Variants in SV2C observed in about 807,000 individuals in gnomAD.
SV2C encodes the protein synaptic vesicle glycoprotein 2C, also known as solute carrier family 22 member B3.
A neutral mutation model predicts 79.7 loss-of-function variants in SV2C; 49 were observed. That is an observed-to-expected ratio of 0.61 (90% CI 0.49 to 0.78). The LOEUF (loss-of-function observed/expected upper bound fraction) is 0.78, where lower values mean the gene tolerates loss of function less well. Ranked by LOEUF, SV2C falls within the 30% of genes least tolerant of loss-of-function variation. SV2C has a pLI of 0.00. For missense variants in SV2C, 833 were observed against 912.9 expected, an observed-to-expected ratio of 0.91 and a Z score of 1.13; for synonymous variants, 334 against 333.2, an observed-to-expected ratio of 1.00 and a Z score of -0.03.
intron 2 of SV2C, among the ~76,000 whole-genome samples, chr5:76,188,271 A>G (rs1437298305): frequency 6.6e-6 from 1 of 152,174 alleles, no homozygotes; most frequent in Non-Finnish European, 1.5e-5. Context: ...AAAAATAATA[A>G]TAATAATTGT....
At chr5:75,920,648 G>C in the SV2C span, 1 of 635,524 alleles carries the variant, frequency 1.6e-6, no homozygotes. Flanking sequence ...GGTGGGGGGT[G>C]GGTGGGAGGA....
chr5:76,315,433 G>A (rs1350495128), intron 12 of SV2C, among the ~76,000 whole-genome samples: 1 of 152,126 alleles, frequency 6.6e-6, no homozygotes, highest in East Asian at 1.9e-4. Context: ...GAAGATCTCA[G>A]GAAATCTGTT....
At chr5:76,174,959 A>G (rs528604330) in intron 2 of SV2C, among the ~76,000 whole-genome samples, 4 of 152,216 alleles carry the variant, frequency 2.6e-5, no homozygotes, top group Admixed American at 2.6e-4. Flanking sequence ...CAAGAATCTC[A>G]TGTGTTCTGC....
intron 3 of SV2C, among the ~76,000 whole-genome samples, chr5:76,199,575 G>T (rs1744373503): frequency 6.6e-6 from 1 of 152,194 alleles, no homozygotes; most frequent in Non-Finnish European, 1.5e-5. Context: ...TCCTCCACCA[G>T]CATGTAAATT....
chr5:76,134,661 G>T (rs1749009636), intron 2 of SV2C, among the ~76,000 whole-genome samples: 1 of 152,122 alleles, frequency 6.6e-6, no homozygotes, highest in Admixed American at 6.6e-5. Context: ...CTAAAAGATT[G>T]ACTTAAAGGT....
the SV2C span, among the ~76,000 whole-genome samples, chr5:75,901,674 G>A: frequency 1.3e-5 from 2 of 152,220 alleles, no homozygotes; most frequent in Non-Finnish European, 2.9e-5. Context: ...TTCTTTGTCT[G>A]TGCCCTGCCC....
At chr5:76,091,919 G>A (rs1188354265) in intron 1 of SV2C, 4 of 152,012 alleles carry the variant, frequency 2.6e-5, no homozygotes, top group Admixed American at 6.5e-5. Flanking sequence ...CAACCTATAT[G>A]TCTATCAGAA....
chr5:76,067,231 C>T, the SV2C span, among the ~76,000 whole-genome samples: 3 of 151,674 alleles, frequency 2.0e-5, no homozygotes, highest in Non-Finnish European at 4.4e-5. Flanking sequence ...TTTCTTTGTC[C>T]ATTTACTTAC....
In SV2C at chr5:76,102,541, A is replaced by G. The variant is rs940892222; in HGVS notation, c.-102+19029A>G. 6.6e-5 allele frequency among the ~76,000 whole-genome samples: 10 copies of G among 152,192 alleles called. 1 individual carries two copies. The highest frequency in any genetic ancestry group is 2.4e-4 in the African/African-American group (10 of 41,460). On this transcript the variant is annotated intron_variant, in intron 1 of 12. Coordinates refer to ENST00000502798, the MANE Select transcript of SV2C (RefSeq NM_014979.4). Reference sequence around the variant, plus strand: ...CTCTGGTGAACCCAGGAGGTGACACAGGGCTTGGCACAATCACTATAGAGG... The same window carrying G: ...CTCTGGTGAACCCAGGAGGTGACACGGGGCTTGGCACAATCACTATAGAGG...
At chr5:75,999,668 A>C in the SV2C span, among the ~76,000 whole-genome samples, 1 of 141,498 alleles carries the variant, frequency 7.1e-6, no homozygotes, top group Non-Finnish European at 1.5e-5. Flanking sequence ...TTTTTTTTCT[A>C]CCCAGGCCTG....
At chr5:76,321,125 A>C in intron 12 of SV2C, among the ~76,000 whole-genome samples, 1 of 152,334 alleles carries the variant, frequency 6.6e-6, no homozygotes, top group South Asian at 2.1e-4. Flanking sequence ...TATCTCGGTT[A>C]TGAAGAGTCC....
At chr5:76,186,762 A>G (rs2112311678) in intron 2 of SV2C, among the ~76,000 whole-genome samples, 1 of 148,980 alleles carries the variant, frequency 6.7e-6, no homozygotes, top group Non-Finnish European at 1.5e-5. Flanking sequence ...GAAACTTACA[A>G]TCATGGTGGA....
At chr5:76,110,249 A>C (rs1372319191) in intron 1 of SV2C, among the ~76,000 whole-genome samples, 2 of 152,194 alleles carry the variant, frequency 1.3e-5, no homozygotes, top group Admixed American at 1.3e-4. Context: ...CAGCAGAGAA[A>C]GAAACAGAGG....
the SV2C span, among the ~76,000 whole-genome samples, chr5:75,998,121 C>G: frequency 2.0e-5 from 3 of 151,976 alleles, no homozygotes; most frequent in Non-Finnish European, 4.4e-5. Flanking sequence ...TGTTCTCACT[C>G]ATAGGTGAGA....
intron 2 of SV2C, among the ~76,000 whole-genome samples, chr5:76,180,705 A>C (rs1743692848): frequency 6.6e-6 from 1 of 151,986 alleles, no homozygotes. Context: ...CTGCCCCTTC[A>C]ACCTTGCCAG....
the SV2C span, among the ~76,000 whole-genome samples, chr5:76,047,732 T>C: frequency 5.1e-4 from 77 of 152,040 alleles, no homozygotes; most frequent in African/African-American, 1.8e-3. Context: ...ATAGGGACTA[T>C]AGTTAACAAT....
intron 2 of SV2C, among the ~76,000 whole-genome samples, chr5:76,161,145 C>CAAACA (rs550136130): frequency 4.9e-4 from 75 of 152,074 alleles, no homozygotes; most frequent in African/African-American, 1.8e-3. Flanking sequence ...AATGAATAGA[C>CAAACA]AAATTTTGAA....
the SV2C span, among the ~76,000 whole-genome samples, chr5:76,049,439 A>G: frequency 6.6e-6 from 1 of 152,210 alleles, no homozygotes; most frequent in South Asian, 2.1e-4. Flanking sequence ...ATTGTTAGGT[A>G]AGAAAAATAC....
chr5:75,983,358 G>A, the SV2C span, among the ~76,000 whole-genome samples: 1 of 151,926 alleles, frequency 6.6e-6, no homozygotes, highest in African/African-American at 2.4e-5. Flanking sequence ...TTCAATTGAG[G>A]GAAAAAATAT....
Sources: gnomAD v4.1 joint callset for allele counts (sites outside exome capture counted in the v4.1 genomes callset) on GRCh38, gnomAD v4.1.1 for gene constraint, MANE v1.5 for transcripts, NCBI Gene and HGNC (gene_info 2026-07-23, HGNC 2026-07-21) for gene names.